TNNI3K: variants seen among roughly 807,000 people sequenced by gnomAD.
The protein encoded by TNNI3K is serine/threonine-protein kinase TNNI3K.
TNNI3K carries 140 observed loss-of-function variants against 114.5 expected under a neutral mutation model. That is an observed-to-expected ratio of 1.22 (90% CI 1.07 to 1.41). TNNI3K has a LOEUF of 1.41. TNNI3K is among the 40% of genes most tolerant of loss of function. The pLI, the probability that TNNI3K is intolerant of heterozygous loss-of-function variation, is 0.00. For missense variants in TNNI3K, 1,125 were observed against 1,007.6 expected, an observed-to-expected ratio of 1.12 and a Z score of -1.58; for synonymous variants, 347 against 347.5, an observed-to-expected ratio of 1.00 and a Z score of 0.02.
intron 2 of TNNI3K, among the ~76,000 whole-genome samples, chr1:74,248,431 C>T (rs1327013297): frequency 2.0e-5 from 3 of 152,240 alleles, no homozygotes; most frequent in East Asian, 3.9e-4. Flanking sequence ...GTGCCGAGAG[C>T]GAGCGAGGGC....
intron 17 of TNNI3K, among the ~76,000 whole-genome samples, chr1:74,392,730 T>C (rs1481972207): frequency 1.3e-5 from 2 of 152,348 alleles, no homozygotes; most frequent in South Asian, 4.1e-4. Context: ...AGAGTTGGTA[T>C]TGTGACCGAG....
chr1:74,369,703 A>G (rs1662492686), intron 16 of TNNI3K, 118 bp downstream of exon 16: 2 of 1,194,872 alleles, frequency 1.7e-6, no homozygotes, highest in Non-Finnish European at 2.2e-6. Flanking sequence ...TGCTGCTAGC[A>G]AGTGTGTCAT....
At chr1:74,490,467 C>T (rs9730633) in intron 22 of TNNI3K, among the ~76,000 whole-genome samples, 4,773 of 152,218 alleles carry the variant, frequency 0.031, 251 homozygotes, top group African/African-American at 0.11. Context: ...AAAAAGGAAT[C>T]CACCATGATA....
At chr1:74,451,592 C>T (rs2100698027) in intron 20 of TNNI3K, among the ~76,000 whole-genome samples, 1 of 150,746 alleles carries the variant, frequency 6.6e-6, no homozygotes, top group East Asian at 1.9e-4. Flanking sequence ...TTTCTTCCTT[C>T]CTTCCTTTCT....
chr1:74,384,598 A>T (rs757340876), intron 17 of TNNI3K, among the ~76,000 whole-genome samples: 1 of 152,138 alleles, frequency 6.6e-6, no homozygotes, highest in African/African-American at 2.4e-5. Flanking sequence ...TCTATGCCTG[A>T]CTGGAATATT....
At chr1:74,388,076 G>A (rs1391732111) in intron 17 of TNNI3K, among the ~76,000 whole-genome samples, 1 of 152,044 alleles carries the variant, frequency 6.6e-6, no homozygotes, top group Non-Finnish European at 1.5e-5. Context: ...TCAGGAGTTC[G>A]AGACCAGCCT....
chr1:74,375,015 A>G (rs1455401532), intron 17 of TNNI3K: 2 of 152,036 alleles, frequency 1.3e-5, no homozygotes, highest in East Asian at 3.9e-4. Context: ...CTATAAAGAT[A>G]TAGTATTATA....
At chr1:74,311,364 G>T (rs1658986382) in intron 5 of TNNI3K, among the ~76,000 whole-genome samples, 1 of 152,020 alleles carries the variant, frequency 6.6e-6, no homozygotes, top group Admixed American at 6.6e-5. Flanking sequence ...ATACAGTGAA[G>T]ATTTTTAAAA....
At chr1:74,332,661 G>A (rs973347794) in intron 6 of TNNI3K, among the ~76,000 whole-genome samples, 1 of 152,072 alleles carries the variant, frequency 6.6e-6, no homozygotes, top group Non-Finnish European at 1.5e-5. Flanking sequence ...GCATGCCAGA[G>A]TCATGCGCTA....
intron 23 of TNNI3K, among the ~76,000 whole-genome samples, chr1:74,516,672 AAAG>A (rs1331734438): frequency 1.3e-5 from 2 of 152,148 alleles, no homozygotes; most frequent in African/African-American, 4.8e-5. Flanking sequence ...CCACGTTTAA[AAAG>A]AAGGACATTT....
intron 5 of TNNI3K, among the ~76,000 whole-genome samples, chr1:74,283,131 ACCTTT>A (rs1657113590): frequency 6.6e-6 from 1 of 152,158 alleles, no homozygotes; most frequent in Admixed American, 6.5e-5. Context: ...CTAAAAGTAA[ACCTTT>A]CTTTTACACA....
intron 20 of TNNI3K, among the ~76,000 whole-genome samples, chr1:74,442,382 A>C (rs1333536804): frequency 7.2e-5 from 11 of 152,090 alleles, no homozygotes. Flanking sequence ...TCGTGAAATT[A>C]AGTAATGTGA....
At chr1:74,509,751 T>C (rs975603224) in intron 23 of TNNI3K, among the ~76,000 whole-genome samples, 9 of 95,404 alleles carry the variant, frequency 9.4e-5, no homozygotes, top group Admixed American at 9.3e-4. Flanking sequence ...GAATTTCTTT[T>C]TTTTTTTTTT....
chr1:74,526,884 T>G (rs767548827), intron 23 of TNNI3K, among the ~76,000 whole-genome samples: 1 of 152,220 alleles, frequency 6.6e-6, no homozygotes. Flanking sequence ...CTGTAAAGTT[T>G]TATTGGAATA....
chr1:74,395,690 G>A (rs927989651), intron 17 of TNNI3K, among the ~76,000 whole-genome samples: 1 of 152,192 alleles, frequency 6.6e-6, no homozygotes, highest in African/African-American at 2.4e-5. Context: ...GGAGACAGAT[G>A]AAGTGATTCT....
At chr1:74,349,698 G>T (rs527692221) in intron 9 of TNNI3K, among the ~76,000 whole-genome samples, 1 of 152,128 alleles carries the variant, frequency 6.6e-6, no homozygotes, top group Non-Finnish European at 1.5e-5. Flanking sequence ...GTTTAGTCTT[G>T]GGAGAGTGTA....
intron 4 of TNNI3K, among the ~76,000 whole-genome samples, chr1:74,258,388 A>C (rs1655460976): frequency 6.6e-6 from 1 of 152,198 alleles, no homozygotes; most frequent in Non-Finnish European, 1.5e-5. Context: ...TTGTGGCAGA[A>C]AAGTATTTCA....
intron 5 of TNNI3K, among the ~76,000 whole-genome samples, chr1:74,303,122 T>C (rs1335496071): frequency 2.0e-5 from 3 of 152,200 alleles, no homozygotes; most frequent in African/African-American, 7.2e-5. Context: ...ACTTTGCCCA[T>C]GCTCTATGAA....
Position 74,543,801 on chromosome 1 carries a change from T to G in TNNI3K, c.2432-105T>G, listed in dbSNP as rs1646756205. On this transcript the variant is annotated intron_variant, in intron 24 of 24. Coordinates refer to ENST00000326637, the MANE Select transcript of TNNI3K (RefSeq NM_015978.3). ...ACCAGCAACCGTTGTCCAGATTGTC[T>G]GTTCACATGATCTGGAAGACCTGCC... 4.7e-6 allele frequency: 6 copies of G among 1,275,340 alleles called. No individual in the cohort carries two copies. In the Admixed American group the frequency reaches 1.2e-4, roughly 25 times the overall value. The allele number at this position is 1,275,340 out of a possible 1,614,324, so 79.0% of individuals were successfully genotyped here.
Sources: gnomAD v4.1 joint callset for allele counts (sites outside exome capture counted in the v4.1 genomes callset) on GRCh38, gnomAD v4.1.1 for gene constraint, MANE v1.5 for transcripts, NCBI Gene and HGNC (gene_info 2026-07-23, HGNC 2026-07-21) for gene names.